The following CENPK variants were observed in gnomAD, a reference collection of about 807,000 sequenced individuals.
CENPK encodes centromere protein K, also known as SoxLZ/Sox6-binding protein Solt.
A neutral mutation model predicts 40.9 loss-of-function variants in CENPK; 46 were observed. The observed-to-expected ratio is 1.13, with a 90% CI of 0.89 to 1.44. CENPK has a LOEUF of 1.44. Among genes scored for constraint, CENPK ranks in the 40% most tolerant of loss-of-function variants. CENPK has a pLI of 0.00. For missense variants in CENPK, 288 were observed against 303.5 expected (o/e 0.95, Z 0.38); for synonymous variants, 107 against 104.4 (o/e 1.02, Z -0.15).
chr5:65,498,336 A>G, the CENPK span, among the ~76,000 whole-genome samples: 3 of 151,906 alleles, frequency 2.0e-5, no homozygotes, highest in African/African-American at 7.3e-5. Flanking sequence ...TTTGTACGTG[A>G]TTGCTTTATT....
chr5:65,497,598 C>T, the CENPK span, among the ~76,000 whole-genome samples: 1 of 152,182 alleles, frequency 6.6e-6, no homozygotes, highest in Non-Finnish European at 1.5e-5. Context: ...GTCATAAGTT[C>T]CCCGGTCCAC....
At position 65,551,709 on chromosome 5, in the gene CENPK, C is replaced by T. The variant is rs901827082; in HGVS notation, c.169-73G>A. 1.0e-5 allele frequency: 9 copies of T among 870,826 alleles called. No individual in the cohort carries two copies. The East Asian group carries it at 2.5e-4, about 24-fold the overall frequency. The allele number at this position is 870,826 out of a possible 1,614,324, so 53.9% of individuals were successfully genotyped here. A position where few individuals can be genotyped will look rare whatever the true frequency, so the allele number is the denominator to read the frequency against. On this transcript the variant is annotated intron_variant, in intron 4 of 10. Coordinates refer to ENST00000396679, the MANE Select transcript of CENPK (RefSeq NM_022145.5). Reference sequence around the variant, plus strand: ...ATTCATAGATGAAAATATAAACATTCTTAATATTTTAAAACTTTGCAGGGG... The same window carrying T: ...ATTCATAGATGAAAATATAAACATTTTTAATATTTTAAAACTTTGCAGGGG...
At chr5:65,551,685 T>C (rs1750081917) in intron 4 of CENPK, 49 bp from the exon 5 acceptor site, 2 of 993,556 alleles carry the variant, frequency 2.0e-6, no homozygotes, top group African/African-American at 3.4e-5. Context: ...TTCATACCTA[T>C]TCATAGATGA....
rs370884988 is a variant in CENPK, at chr5:65,536,237, G to A, written c.288+6565C>T. ...GGGTTGCTAAGAGTTGCTATGAAAG[G>A]GAAAAATTTTGCTGGATCATCTGCC... On this transcript the variant is annotated intron_variant, in intron 6 of 10. Transcript: ENST00000396679. 1.3e-4 allele frequency among the ~76,000 whole-genome samples: 20 copies of A among 152,248 alleles called. No individual in the cohort carries two copies. In the East Asian group the frequency reaches 3.1e-3, roughly 23 times the overall value.
At position 65,528,593 on chromosome 5, in the gene CENPK, A is replaced by G; in HGVS notation, c.471-15T>C. On this transcript the variant is annotated splice_polypyrimidine_tract_variant and intron_variant, in intron 8 of 10. Transcript: ENST00000396679. The stretch of plus-strand genomic sequence containing the variant: ...CATTAAAGATTCTAATAGATTAAAA[A>G]AATTAAGAGAAACATTTAACTGATA... The G allele has an allele frequency of 6.7e-7, 1 of 1,501,136 alleles. No individual in the cohort carries two copies. Among genetic ancestry groups the G allele is most frequent in the East Asian group, 2.5e-5 (1 of 40,612 alleles). 93.0% of individuals were successfully genotyped at this position (1,501,136 alleles called of 1,614,324 possible). A position where few individuals can be genotyped will look rare whatever the true frequency, so the allele number is the denominator to read the frequency against.
In CENPK at chr5:65,521,497, A is replaced by C; in HGVS notation, c.629T>G (p.Ile210Arg). The change falls in exon 10 of 11, where the codon ATA (isoleucine) becomes AGA (arginine). Residue 210 changes from isoleucine (I) to arginine (R), a missense_variant. By Grantham distance (97) the Ile-to-Arg change is moderately conservative (BLOSUM62 -3). Coordinates refer to ENST00000396679, the MANE Select transcript of CENPK (RefSeq NM_022145.5). ...TACCTCTAACATTTCATGCAGTGTT[A>C]TCAGGTTTACAGATGATTCTTGAAT... Reference protein sequence around the residue: ...KNIQESSVNLITLHEMLEILI... With the variant: ...KNIQESSVNLRTLHEMLEILI... The C allele has an allele frequency of 6.2e-7, 1 of 1,610,126 alleles. No homozygotes were observed. The highest frequency in any genetic ancestry group is 1.1e-5 in the South Asian group (1 of 90,600).
At chr5:65,506,289 C>T in the CENPK span, among the ~76,000 whole-genome samples, 1 of 150,024 alleles carries the variant, frequency 6.7e-6, no homozygotes, top group Admixed American at 6.7e-5. Flanking sequence ...AGGAAGATGG[C>T]TTAAGCCTAG....
Position 65,541,013 on chromosome 5 carries a change from G to A in CENPK, c.288+1789C>T, listed in dbSNP as rs143610334. 4.7e-4 allele frequency among the ~76,000 whole-genome samples: 72 copies of A among 152,062 alleles called. 4 individuals are homozygous for A. The East Asian group carries it at 0.013, about 28-fold the overall frequency. ...ATTTTTTATTTTTTTTGTAGGGACA[G>A]GCTTTTGCCATATTGCCCAGGCTGG... On this transcript the variant is annotated intron_variant, in intron 6 of 10. Transcript: ENST00000396679.
intron 6 of CENPK, among the ~76,000 whole-genome samples, chr5:65,540,743 A>G (rs2150439820): frequency 6.6e-6 from 1 of 151,744 alleles, no homozygotes; most frequent in East Asian, 1.9e-4. Flanking sequence ...TGGCATGGAA[A>G]CTCCATGTCC....
chr5:65,545,083 G>A (rs1011444736), intron 5 of CENPK, among the ~76,000 whole-genome samples: 14 of 152,082 alleles, frequency 9.2e-5, no homozygotes, highest in African/African-American at 3.1e-4. Flanking sequence ...TTGGGTAACC[G>A]TAACAAAAGG....
intron 5 of CENPK, among the ~76,000 whole-genome samples, chr5:65,549,489 C>T (rs1353156414): frequency 6.6e-6 from 1 of 152,178 alleles, no homozygotes; most frequent in Non-Finnish European, 1.5e-5. Flanking sequence ...CTATAAGAGT[C>T]CTAGATGGCA....
rs151181642 is a variant in CENPK at position 65,529,602 on chromosome 5, C to T, written c.289-403G>A. The T allele has an allele frequency of 3.4e-3, 560 of 162,804 alleles. 3 individuals carry two copies. Among genetic ancestry groups the T allele is most frequent in the African/African-American group, 0.013 (526 of 41,418 alleles). 10.1% of individuals were successfully genotyped at this position (162,804 alleles called of 1,614,324 possible). A position where few individuals can be genotyped will look rare whatever the true frequency, so the allele number is the denominator to read the frequency against. ...TCCCGGGTTCACGCCATTCTCCTGCCCCAGCCCCTGAGTAGCTGGGACTAC... is the reference window on the plus strand; with the variant it reads ...TCCCGGGTTCACGCCATTCTCCTGCTCCAGCCCCTGAGTAGCTGGGACTAC... On this transcript the variant is annotated intron_variant, in intron 6 of 10. Transcript: ENST00000396679.
intron 5 of CENPK, among the ~76,000 whole-genome samples, chr5:65,544,414 T>G (rs920889686): frequency 1.3e-5 from 2 of 152,156 alleles, no homozygotes; most frequent in Non-Finnish European, 2.9e-5. Context: ...GTTGAGAAAC[T>G]GAAACCATGT....
intron 2 of CENPK, among the ~76,000 whole-genome samples, chr5:65,556,119 G>A (rs916655501): frequency 1.3e-5 from 2 of 151,996 alleles, no homozygotes; most frequent in Admixed American, 1.3e-4. Context: ...TTGTGTCTTC[G>A]TTCTTAACAA....
intron 6 of CENPK, among the ~76,000 whole-genome samples, chr5:65,531,112 T>G (rs1032255573): frequency 6.6e-6 from 1 of 151,528 alleles, no homozygotes; most frequent in African/African-American, 2.4e-5. Flanking sequence ...AGCTATGATA[T>G]CAACACTGCA....
chr5:65,544,639 T>C (rs549276571), intron 5 of CENPK, among the ~76,000 whole-genome samples: 30 of 152,178 alleles, frequency 2.0e-4, no homozygotes, highest in Non-Finnish European at 3.8e-4. Flanking sequence ...GAAGTTTCCG[T>C]TGACAGATGA....
In CENPK at chr5:65,548,829, C is replaced by T. The variant is rs115455712; in HGVS notation, c.241+2735G>A. 1.8e-3 allele frequency among the ~76,000 whole-genome samples: 278 copies of T among 152,238 alleles called. 2 individuals are homozygous for T. Among genetic ancestry groups the T allele is most frequent in the African/African-American group, 6.3e-3 (261 of 41,554 alleles). On this transcript the variant is annotated intron_variant, in intron 5 of 10. Transcript: ENST00000396679. Reference sequence around the variant, plus strand: ...CTCCACTTCTAATTCTAGTTAGATACTTCTACCACATTTGTAGTTACTTGA... The same window carrying T: ...CTCCACTTCTAATTCTAGTTAGATATTTCTACCACATTTGTAGTTACTTGA...
intron 6 of CENPK, among the ~76,000 whole-genome samples, chr5:65,536,566 G>A (rs754322955): frequency 6.6e-6 from 1 of 152,014 alleles, no homozygotes; most frequent in Non-Finnish European, 1.5e-5. Flanking sequence ...AGTTTGAGAT[G>A]AGACAGCTAT....
intron 10 of CENPK, among the ~76,000 whole-genome samples, chr5:65,520,195 AG>A (rs2150337094): frequency 6.6e-6 from 1 of 152,258 alleles, no homozygotes; most frequent in Non-Finnish European, 1.5e-5. Context: ...GCTGCTTAAA[AG>A]TGTGTGTGGT....
Sources: allele counts gnomAD v4.1 joint callset (sites outside exome capture counted in the v4.1 genomes callset), GRCh38; gene constraint gnomAD v4.1.1; transcripts MANE v1.5; gene names NCBI Gene and HGNC (gene_info 2026-07-23, HGNC 2026-07-21).